The following EXOC6B variants were observed in gnomAD, a reference collection of about 807,000 sequenced individuals.
The protein encoded by EXOC6B is exocyst complex component 6B, also known as SEC15 homolog B.
A neutral mutation model predicts 113.5 loss-of-function variants in EXOC6B; 54 were observed. The ratio of observed to expected loss-of-function variants is 0.48; its 90% confidence interval spans 0.38 to 0.60. EXOC6B has a LOEUF of 0.60. Among genes scored for constraint, EXOC6B ranks in the 20% least tolerant of loss-of-function variants. The pLI, the probability that EXOC6B is intolerant of heterozygous loss-of-function variation, is 0.00. For missense variants in EXOC6B, 797 were observed against 977.5 expected, an observed-to-expected ratio of 0.82 and a Z score of 2.46; for synonymous variants, 357 against 339.0, an observed-to-expected ratio of 1.05 and a Z score of -0.58.
At chr2:72,289,094 A>C in intron 20 of EXOC6B, 1 of 287,896 alleles carries the variant, frequency 3.5e-6, no homozygotes, top group Non-Finnish European at 6.6e-6. Flanking sequence ...CAGGAGGGGA[A>C]ATCCTGGGAT....
At chr2:72,795,616 CA>C (rs1413032691) in intron 1 of EXOC6B, among the ~76,000 whole-genome samples, 2 of 151,974 alleles carry the variant, frequency 1.3e-5, no homozygotes, top group Admixed American at 1.3e-4. Context: ...AAGTGAATGA[CA>C]AAAAAACTGC....
intron 6 of EXOC6B, among the ~76,000 whole-genome samples, chr2:72,658,286 T>TAAAAAAAAAAAAAAAAAAAAAAAAAAGAA (rs60572283): frequency 1.7e-5 from 1 of 58,726 alleles, no homozygotes; most frequent in Non-Finnish European, 3.1e-5. Context: ...TAAAAACTAG[T>TAAAAAAAAAAAAAAAAAAAAAAAAAAGAA]AAAAAAAAAA....
chr2:72,780,845 C>T (rs1026714412), intron 1 of EXOC6B, among the ~76,000 whole-genome samples: 1 of 151,992 alleles, frequency 6.6e-6, no homozygotes, highest in African/African-American at 2.4e-5. Context: ...GCTCAAATTA[C>T]AGAAAATCTG....
intron 16 of EXOC6B, among the ~76,000 whole-genome samples, chr2:72,482,487 T>C (rs1699163097): frequency 6.8e-6 from 1 of 146,686 alleles, no homozygotes; most frequent in African/African-American, 2.6e-5. Context: ...AGTGAGACAG[T>C]GAGCCAAGAG....
chr2:72,298,910 C>T (rs1371085488), intron 20 of EXOC6B, among the ~76,000 whole-genome samples: 1 of 152,090 alleles, frequency 6.6e-6, no homozygotes, highest in Non-Finnish European at 1.5e-5. Context: ...TCTGGCTGTC[C>T]TTAACATTTT....
intron 18 of EXOC6B, among the ~76,000 whole-genome samples, chr2:72,419,795 A>G (rs895871260): frequency 7.2e-5 from 11 of 152,078 alleles, no homozygotes; most frequent in African/African-American, 2.7e-4. Context: ...AGTTCATCCA[A>G]TTTTGAGTTT....
intron 6 of EXOC6B, among the ~76,000 whole-genome samples, chr2:72,580,995 A>G (rs1344304093): frequency 6.6e-6 from 1 of 152,164 alleles, no homozygotes; most frequent in Admixed American, 6.5e-5. Context: ...CTTCTGTTCC[A>G]TGAGATCATA....
intron 18 of EXOC6B, among the ~76,000 whole-genome samples, chr2:72,397,660 TTA>T (rs1553396425): frequency 7.2e-6 from 1 of 139,844 alleles, no homozygotes. Flanking sequence ...TAAAATAAAA[TTA>T]TATATATATA....
intron 18 of EXOC6B, among the ~76,000 whole-genome samples, chr2:72,413,695 A>G (rs1252040867): frequency 8.7e-6 from 1 of 114,384 alleles, no homozygotes; most frequent in African/African-American, 4.1e-5. Flanking sequence ...AAAGAAAAAA[A>G]AAAAAAGAAA....
chr2:72,273,053 G>A (rs1573146307), intron 20 of EXOC6B, among the ~76,000 whole-genome samples: 1 of 152,186 alleles, frequency 6.6e-6, no homozygotes, highest in African/African-American at 2.4e-5. Context: ...TGAAATCTAG[G>A]TGTGATAAAC....
intron 20 of EXOC6B, among the ~76,000 whole-genome samples, chr2:72,201,240 T>A (rs1037675375): frequency 1.3e-5 from 2 of 152,128 alleles, no homozygotes; most frequent in Non-Finnish European, 2.9e-5. Context: ...CCAAATAGTG[T>A]TTTCCACCGC....
At chr2:72,661,370 CAAAA>C (rs200936973) in intron 6 of EXOC6B, among the ~76,000 whole-genome samples, 2 of 69,076 alleles carry the variant, frequency 2.9e-5, no homozygotes, top group Admixed American at 1.3e-4. Context: ...CAAGGAATCT[CAAAA>C]AAAAAAAAAA....
intron 6 of EXOC6B, among the ~76,000 whole-genome samples, chr2:72,683,318 A>G (rs1238545013): frequency 1.3e-5 from 2 of 152,178 alleles, no homozygotes; most frequent in African/African-American, 4.8e-5. Context: ...AAAAAAGAGA[A>G]AGAATCCAAT....
At chr2:72,693,145 G>T (rs1003132873) in intron 6 of EXOC6B, among the ~76,000 whole-genome samples, 2 of 152,016 alleles carry the variant, frequency 1.3e-5, no homozygotes, top group Non-Finnish European at 2.9e-5. Context: ...TATATTCCCT[G>T]CCCCCACATC....
At chr2:72,336,695 G>T (rs1405200020) in intron 19 of EXOC6B, among the ~76,000 whole-genome samples, 1 of 152,102 alleles carries the variant, frequency 6.6e-6, no homozygotes, top group Non-Finnish European at 1.5e-5. Flanking sequence ...TTGCCCAAGT[G>T]ATAACACTTT....
chr2:72,718,092 C>A lies in EXOC6B; in HGVS notation c.669+11G>T, dbSNP rs147404273. The A allele has an allele frequency of 1.6e-4, 259 of 1,595,338 alleles. No homozygotes were observed. In the African/African-American group the frequency reaches 2.7e-3, roughly 17 times the overall value. On this transcript the variant is annotated intron_variant, in intron 6 of 21. Transcript: ENST00000272427. The stretch of plus-strand genomic sequence containing the variant: ...AGCCACTGGCCAACCTATCATAAAC[C>A]CAAGACCTACTTGCTTCATGGCAGT...
chr2:72,438,905 T>C (rs1696037084), intron 18 of EXOC6B, among the ~76,000 whole-genome samples: 1 of 152,178 alleles, frequency 6.6e-6, no homozygotes, highest in African/African-American at 2.4e-5. Context: ...AAAGCCTAAT[T>C]TTACTTAACT....
intron 15 of EXOC6B, among the ~76,000 whole-genome samples, chr2:72,494,520 CA>C (rs1699930284): frequency 6.6e-6 from 1 of 152,088 alleles, no homozygotes; most frequent in Admixed American, 6.6e-5. Context: ...AGAAGTGACT[CA>C]AACTATTCCC....
intron 6 of EXOC6B, among the ~76,000 whole-genome samples, chr2:72,624,008 C>T (rs1671900765): frequency 6.6e-6 from 1 of 152,110 alleles, no homozygotes; most frequent in African/African-American, 2.4e-5. Flanking sequence ...TAGCAGATAA[C>T]AAAAAACTAA....
Sources: gnomAD v4.1 joint callset for allele counts (sites outside exome capture counted in the v4.1 genomes callset) on GRCh38, gnomAD v4.1.1 for gene constraint, MANE v1.5 for transcripts, NCBI Gene and HGNC (gene_info 2026-07-23, HGNC 2026-07-21) for gene names.